PLEKHH2: variants seen among roughly 807,000 people sequenced by gnomAD.
PLEKHH2 encodes the protein pleckstrin homology, MyTH4 and FERM domain containing H2.
A neutral mutation model predicts 187.9 loss-of-function variants in PLEKHH2; 129 were observed. That is an observed-to-expected ratio of 0.69 (90% confidence interval 0.59 to 0.79). The LOEUF is 0.79. Ranked by LOEUF, PLEKHH2 falls within the 30% of genes least tolerant of loss-of-function variation. The probability of loss-of-function intolerance (pLI) is 0.00; values close to 1 mark genes in which losing one functional copy is unlikely to be tolerated. For synonymous variants in PLEKHH2, 686 were observed against 605.6 expected, an observed-to-expected ratio of 1.13 and a Z score of -1.95; for missense variants, 2,076 against 1,751.2, an observed-to-expected ratio of 1.19 and a Z score of -3.31.
At chr2:43,671,143 C>G (rs375459682) in intron 2 of PLEKHH2, among the ~76,000 whole-genome samples, 1 of 151,912 alleles carries the variant, frequency 6.6e-6, no homozygotes, top group African/African-American at 2.4e-5. Context: ...CCTGCCACCA[C>G]GACCAGCTAT....
intron 14 of PLEKHH2, chr2:43,710,988 A>C (rs1023122893): frequency 3.0e-6 from 3 of 999,042 alleles, no homozygotes; most frequent in Non-Finnish European, 3.6e-6. Context: ...TCTTATATGA[A>C]CTTCAGATGC....
At chr2:43,649,460 T>C (rs1666361657) in intron 2 of PLEKHH2, among the ~76,000 whole-genome samples, 1 of 152,282 alleles carries the variant, frequency 6.6e-6, no homozygotes, top group Non-Finnish European at 1.5e-5. Context: ...TGGAATTTCC[T>C]GCCACTTGGC....
chr2:43,644,611 T>C lies in PLEKHH2; in HGVS notation c.-3-60T>C. 3.1e-6 allele frequency: 4 copies of C among 1,289,972 alleles called. No homozygotes were observed. The East Asian group carries it at 1.0e-4, about 34-fold the overall frequency. The allele number at this position is 1,289,972 out of a possible 1,614,324, so 79.9% of individuals were successfully genotyped here. A position where few individuals can be genotyped will look rare whatever the true frequency, so the allele number is the denominator to read the frequency against. Reference sequence around the variant, plus strand: ...AACAAATTATCCTGAATATTAATTGTGTTGTAGCATTTGAATGTTTTACTT... The same window carrying C: ...AACAAATTATCCTGAATATTAATTGCGTTGTAGCATTTGAATGTTTTACTT... On this transcript the variant is annotated intron_variant, in intron 1 of 29. Transcript: ENST00000282406.
At chr2:43,739,898 A>G (rs1323757164) in intron 20 of PLEKHH2, among the ~76,000 whole-genome samples, 1 of 151,984 alleles carries the variant, frequency 6.6e-6, no homozygotes, top group Non-Finnish European at 1.5e-5. Flanking sequence ...GCCTTCCTTG[A>G]CTCCACAAGA....
intron 3 of PLEKHH2, among the ~76,000 whole-genome samples, chr2:43,687,394 A>C (rs1668574067): frequency 6.6e-6 from 1 of 152,182 alleles, no homozygotes; most frequent in Non-Finnish European, 1.5e-5. Context: ...CTAACTCACC[A>C]TTGATGGGCA....
intron 25 of PLEKHH2, among the ~76,000 whole-genome samples, chr2:43,754,869 CTTTTTTTT>C (rs3066318): frequency 1.2e-3 from 128 of 108,760 alleles, no homozygotes; most frequent in African/African-American, 4.6e-3. Context: ...TTAAAATCAA[CTTTTTTTT>C]TTTTTTTTTT....
At chr2:43,687,792 TTTTA>T (rs1406107028) in intron 3 of PLEKHH2, among the ~76,000 whole-genome samples, 2 of 152,120 alleles carry the variant, frequency 1.3e-5, no homozygotes, top group Non-Finnish European at 2.9e-5. Flanking sequence ...TCTTCTTTTG[TTTTA>T]TTTAATTATT....
At chr2:43,754,126 AT>A (rs1271212659) in intron 25 of PLEKHH2, among the ~76,000 whole-genome samples, 2 of 149,096 alleles carry the variant, frequency 1.3e-5, no homozygotes, top group African/African-American at 4.9e-5. Flanking sequence ...ACTTTCTTTT[AT>A]TTGCCTATTG....
At chr2:43,682,288 A>G (rs981970764) in intron 3 of PLEKHH2, among the ~76,000 whole-genome samples, 1 of 152,158 alleles carries the variant, frequency 6.6e-6, no homozygotes, top group Non-Finnish European at 1.5e-5. Context: ...TCTTTAATCA[A>G]AGTGGAATTC....
intron 4 of PLEKHH2, among the ~76,000 whole-genome samples, chr2:43,693,607 C>A (rs772207133): frequency 6.6e-6 from 1 of 150,818 alleles, no homozygotes; most frequent in Admixed American, 6.6e-5. Context: ...TCCTGTAGTC[C>A]CAGCTACTTG....
chr2:43,656,979 A>G (rs942576993), intron 2 of PLEKHH2, among the ~76,000 whole-genome samples: 20 of 152,242 alleles, frequency 1.3e-4, no homozygotes, highest in African/African-American at 4.8e-4. Flanking sequence ...AGATCGCGCC[A>G]TTGCACTCTA....
At chr2:43,757,346 G>T (rs1301473458) in intron 26 of PLEKHH2, 82 bp downstream of exon 26, 9 of 1,135,866 alleles carry the variant, frequency 7.9e-6, no homozygotes, top group Non-Finnish European at 1.0e-5. Flanking sequence ...TTTTAAAGGT[G>T]AAAAACATTT....
intron 15 of PLEKHH2, among the ~76,000 whole-genome samples, chr2:43,717,297 A>C (rs1670260037): frequency 1.3e-5 from 2 of 152,156 alleles, no homozygotes; most frequent in South Asian, 4.1e-4. Flanking sequence ...ACATGCCTGT[A>C]ATCCCAGCTA....
intron 2 of PLEKHH2, among the ~76,000 whole-genome samples, chr2:43,674,159 C>T (rs1667615596): frequency 6.6e-6 from 1 of 152,130 alleles, no homozygotes; most frequent in Non-Finnish European, 1.5e-5. Context: ...TGACTTTTAT[C>T]CTTCCTGTTA....
At chr2:43,698,651 A>G (rs1669213038) in intron 7 of PLEKHH2, among the ~76,000 whole-genome samples, 1 of 152,012 alleles carries the variant, frequency 6.6e-6, no homozygotes, top group Non-Finnish European at 1.5e-5. Flanking sequence ...GCTCTTGCTC[A>G]TTTGCAAATT....
chr2:43,693,039 T>G (rs570890753), intron 4 of PLEKHH2, among the ~76,000 whole-genome samples: 10 of 152,310 alleles, frequency 6.6e-5, no homozygotes, highest in Admixed American at 2.0e-4. Flanking sequence ...GTGATTCTTG[T>G]GCCTCAGCCT....
chr2:43,702,710 A>C (rs915385752), intron 8 of PLEKHH2, among the ~76,000 whole-genome samples: 2 of 152,048 alleles, frequency 1.3e-5, no homozygotes, highest in African/African-American at 4.8e-5. Flanking sequence ...TAATTGCCTC[A>C]ATAAATATGA....
chr2:43,678,963 A>G, intron 3 of PLEKHH2, 38 bp downstream of exon 3: 1 of 1,376,762 alleles, frequency 7.3e-7, no homozygotes, highest in South Asian at 1.2e-5. Flanking sequence ...TTTTGCCTGT[A>G]CTACTCACAT....
chr2:43,703,957 T>C, intron 8 of PLEKHH2, 24 bp from the exon 9 acceptor site: 1 of 934,110 alleles, frequency 1.1e-6, no homozygotes, highest in Non-Finnish European at 1.6e-6. Context: ...AAATACCCTG[T>C]TCAAACTCTC....
Sources: allele counts gnomAD v4.1 joint callset (sites outside exome capture counted in the v4.1 genomes callset), GRCh38; gene constraint gnomAD v4.1.1; transcripts MANE v1.5; gene names NCBI Gene and HGNC (gene_info 2026-07-23, HGNC 2026-07-21).